The following CNTLN variants were observed in gnomAD, a reference collection of about 807,000 sequenced individuals.
CNTLN encodes centlein, centrosomal protein.
Under a neutral mutation model 180.0 loss-of-function variants are expected in CNTLN, and 212 were observed. The ratio of observed to expected loss-of-function variants is 1.18; its 90% confidence interval spans 1.05 to 1.32. The LOEUF (loss-of-function observed/expected upper bound fraction) is 1.32. Ranked by LOEUF, CNTLN falls within the 40% of genes most tolerant of loss-of-function variation. The probability of loss-of-function intolerance (pLI) is 0.00; values close to 1 mark genes in which losing one functional copy is unlikely to be tolerated. For synonymous variants in CNTLN, 722 were observed against 563.1 expected, an observed-to-expected ratio of 1.28 and a Z score of -3.99; for missense variants, 2,095 against 1,610.9, an observed-to-expected ratio of 1.30 and a Z score of -5.14.
the CNTLN span, among the ~76,000 whole-genome samples, chr9:17,513,741 C>G: frequency 6.6e-6 from 1 of 151,284 alleles, no homozygotes; most frequent in African/African-American, 2.4e-5. Context: ...AAAATCAAAC[C>G]TAAATAGAAT....
At chr9:17,361,425 A>G (rs112672146) in intron 12 of CNTLN, among the ~76,000 whole-genome samples, 1 of 152,168 alleles carries the variant, frequency 6.6e-6, no homozygotes, top group Admixed American at 6.5e-5. Flanking sequence ...ACTGGTCGCA[A>G]CTCAAATGTA....
At chr9:17,182,241 C>G (rs1307501216) in intron 2 of CNTLN, among the ~76,000 whole-genome samples, 1 of 151,956 alleles carries the variant, frequency 6.6e-6, no homozygotes, top group Non-Finnish European at 1.5e-5. Flanking sequence ...CTAGCCTACT[C>G]CTTTCCTGGT....
chr9:17,466,930 T>C, intron 23 of CNTLN, 39 bp downstream of exon 23: 1 of 1,496,704 alleles, frequency 6.7e-7, no homozygotes, highest in East Asian at 2.3e-5. Context: ...GTACTTTACT[T>C]TAGGCAGATA....
chr9:17,317,729 A>G (rs1313233432), intron 8 of CNTLN, among the ~76,000 whole-genome samples: 1 of 152,188 alleles, frequency 6.6e-6, no homozygotes, highest in Non-Finnish European at 1.5e-5. Flanking sequence ...TAGATATCTG[A>G]TGAAGAGCAT....
At chr9:17,464,097 A>G (rs1588055422) in intron 20 of CNTLN, among the ~76,000 whole-genome samples, 1 of 151,412 alleles carries the variant, frequency 6.6e-6, no homozygotes, top group Non-Finnish European at 1.5e-5. Flanking sequence ...AAGAGTTTGC[A>G]TTTGTTTATT....
In CNTLN at chr9:17,415,951, A is replaced by G; in HGVS notation, c.2891-15A>G. 3 of 1,593,876 alleles carry G rather than the reference A, an allele frequency of 1.9e-6. No homozygotes were observed. The highest frequency in any genetic ancestry group is 1.1e-5 in the South Asian group (1 of 87,738). On this transcript the variant is annotated splice_polypyrimidine_tract_variant and intron_variant, in intron 17 of 25. Coordinates refer to ENST00000380647, the MANE Select transcript of CNTLN (RefSeq NM_017738.4). ...ATCTAATTTTTAAAATATGAACAAT[A>G]TTGTTTTTATGTAGTCAACAGAGAA...
chr9:17,270,459 A>C (rs1324275420), intron 5 of CNTLN, among the ~76,000 whole-genome samples: 2 of 152,162 alleles, frequency 1.3e-5, no homozygotes, highest in African/African-American at 4.8e-5. Context: ...TCTGGAACCA[A>C]ATCATCTCAA....
chr9:17,527,106 C>A, the CNTLN span, among the ~76,000 whole-genome samples: 1 of 152,224 alleles, frequency 6.6e-6, no homozygotes. Context: ...TGGTCTTCAA[C>A]TCCTGACCTC....
At chr9:17,394,148 A>G (rs185648533) in intron 14 of CNTLN, among the ~76,000 whole-genome samples, 104 of 152,274 alleles carry the variant, frequency 6.8e-4, no homozygotes, top group Middle Eastern at 3.4e-3. Flanking sequence ...CGAATATTGA[A>G]AAAAAGTTAT....
downstream of CNTLN, among the ~76,000 whole-genome samples, chr9:17,505,261 G>C (rs1428962911): frequency 1.3e-5 from 2 of 151,984 alleles, no homozygotes; most frequent in Admixed American, 6.6e-5. Flanking sequence ...CTATAATCAG[G>C]AAGAAGGCAA....
At chr9:17,406,827 C>T (rs1827429033) in intron 15 of CNTLN, among the ~76,000 whole-genome samples, 1 of 151,604 alleles carries the variant, frequency 6.6e-6, no homozygotes, top group South Asian at 2.1e-4. Context: ...GCACTCTGCC[C>T]CATCACTAAG....
At position 17,178,186 on chromosome 9, in the gene CNTLN, C is replaced by G. The variant is rs188859805; in HGVS notation, c.449+34810C>G. 3.6e-3 allele frequency among the ~76,000 whole-genome samples: 526 copies of G among 144,200 alleles called. 4 individuals carry two copies. The highest frequency in any genetic ancestry group is 6.1e-3 in the Admixed American group (89 of 14,632). The allele number at this position is 144,200 out of a possible 152,430, so 94.6% of individuals were successfully genotyped here. On this transcript the variant is annotated intron_variant, in intron 2 of 25. Coordinates refer to ENST00000380647, the MANE Select transcript of CNTLN (RefSeq NM_017738.4). ...ACCAGATTAACTAGATACGGAGTGT[C>G]GATTGGTGCATTCACAAGCACTGAG...
intron 2 of CNTLN, among the ~76,000 whole-genome samples, chr9:17,144,120 T>G (rs1818286775): frequency 6.6e-6 from 1 of 152,194 alleles, no homozygotes; most frequent in African/African-American, 2.4e-5. Context: ...TATCATTTTT[T>G]ATTACTTGAA....
At chr9:17,332,273 A>G (rs572473089) in intron 9 of CNTLN, among the ~76,000 whole-genome samples, 1 of 152,176 alleles carries the variant, frequency 6.6e-6, no homozygotes, top group Non-Finnish European at 1.5e-5. Context: ...GGACCCTTAT[A>G]GAGCAATTAG....
chr9:17,231,666 C>T (rs1824824115), intron 3 of CNTLN, among the ~76,000 whole-genome samples: 2 of 151,988 alleles, frequency 1.3e-5, no homozygotes, highest in South Asian at 4.1e-4. Context: ...CTTATCATTG[C>T]TTTAGTTATT....
intron 3 of CNTLN, among the ~76,000 whole-genome samples, chr9:17,232,136 A>G (rs1243617440): frequency 6.6e-6 from 1 of 152,068 alleles, no homozygotes; most frequent in Admixed American, 6.6e-5. Context: ...CATTATTTAT[A>G]GAGGGTATAT....
At chr9:17,523,355 C>T in the CNTLN span, among the ~76,000 whole-genome samples, 1 of 152,050 alleles carries the variant, frequency 6.6e-6, no homozygotes, top group Non-Finnish European at 1.5e-5. Flanking sequence ...GCTGCCTTAG[C>T]CCCCTTGAGT....
At chr9:17,463,182 G>A (rs1831549625) in intron 20 of CNTLN, among the ~76,000 whole-genome samples, 169 bp downstream of exon 20, 1 of 151,516 alleles carries the variant, frequency 6.6e-6, no homozygotes, top group African/African-American at 2.4e-5. Flanking sequence ...ATGATTAATG[G>A]CAAGCTATTT....
chr9:17,406,061 T>C (rs557775497), intron 15 of CNTLN, among the ~76,000 whole-genome samples: 18 of 151,900 alleles, frequency 1.2e-4, no homozygotes, highest in Admixed American at 2.6e-4. Context: ...TAATACAAAT[T>C]CCTGGGCTTT....
Sources: gnomAD v4.1 joint callset for allele counts (sites outside exome capture counted in the v4.1 genomes callset) on GRCh38, gnomAD v4.1.1 for gene constraint, MANE v1.5 for transcripts, NCBI Gene and HGNC (gene_info 2026-07-23, HGNC 2026-07-21) for gene names.